The following RSU1 variants were observed in gnomAD, a reference collection of about 807,000 sequenced individuals.
RSU1 encodes rsu-1.
Under a neutral mutation model 31.1 loss-of-function variants are expected in RSU1, and 26 were observed. The observed-to-expected ratio is 0.84, with a 90% CI of 0.61 to 1.16. The LOEUF (loss-of-function observed/expected upper bound fraction) is 1.16. RSU1 is among the 50% of genes most tolerant of loss of function. The pLI is 0.00. For missense variants in RSU1, 320 were observed against 339.1 expected (o/e 0.94, Z 0.44); for synonymous variants, 164 against 136.3 (o/e 1.20, Z -1.41).
chr10:16,734,477 C>A (rs564403437), intron 7 of RSU1, among the ~76,000 whole-genome samples: 1 of 152,108 alleles, frequency 6.6e-6, no homozygotes, highest in African/African-American at 2.4e-5. Context: ...GAATTCTGCA[C>A]TAAAGGGCAC....
At chr10:16,774,832 G>T (rs992026710) in intron 3 of RSU1, among the ~76,000 whole-genome samples, 2 of 152,154 alleles carry the variant, frequency 1.3e-5, no homozygotes, top group African/African-American at 4.8e-5. Context: ...GGGCACAGGG[G>T]CTCACAGTGG....
At chr10:16,784,495 T>C (rs1837728602) in intron 2 of RSU1, among the ~76,000 whole-genome samples, 1 of 152,142 alleles carries the variant, frequency 6.6e-6, no homozygotes, top group Non-Finnish European at 1.5e-5. Flanking sequence ...TCAGGGAACT[T>C]ATGGTGGAAG....
At chr10:16,670,723 G>C (rs932780489) in intron 8 of RSU1, among the ~76,000 whole-genome samples, 6 of 151,976 alleles carry the variant, frequency 3.9e-5, no homozygotes, top group African/African-American at 1.5e-4. Flanking sequence ...TTTTCTTCTG[G>C]TGTTCCCTTG....
intron 7 of RSU1, among the ~76,000 whole-genome samples, chr10:16,727,879 G>T (rs889201033): frequency 1.3e-5 from 2 of 152,130 alleles, no homozygotes. Flanking sequence ...GGGTAGCCGT[G>T]GGGGGCTAGA....
At chr10:16,741,112 C>T (rs1836741731) in intron 7 of RSU1, among the ~76,000 whole-genome samples, 2 of 152,132 alleles carry the variant, frequency 1.3e-5, no homozygotes, top group South Asian at 2.1e-4. Context: ...TAAGGATAGA[C>T]ATATAAATAA....
intron 3 of RSU1, among the ~76,000 whole-genome samples, chr10:16,777,459 G>C (rs1837557040): frequency 6.6e-6 from 1 of 152,158 alleles, no homozygotes; most frequent in African/African-American, 2.4e-5. Context: ...CCTTCTATAA[G>C]GATTTACCTT....
chr10:16,776,842 G>A (rs1039163108), intron 3 of RSU1, among the ~76,000 whole-genome samples: 2 of 149,610 alleles, frequency 1.3e-5, no homozygotes, highest in Non-Finnish European at 3.0e-5. Flanking sequence ...CCGTATTTAA[G>A]CCCATCATTC....
intron 7 of RSU1, among the ~76,000 whole-genome samples, chr10:16,725,377 T>TA (rs1337966704): frequency 1.3e-5 from 2 of 152,178 alleles, no homozygotes; most frequent in East Asian, 3.9e-4. Flanking sequence ...TCGAGATTTT[T>TA]ATACCTAGAC....
chr10:16,754,063 A>G (rs1588513622), intron 5 of RSU1, among the ~76,000 whole-genome samples: 2 of 152,350 alleles, frequency 1.3e-5, no homozygotes, highest in South Asian at 4.1e-4. Context: ...TAGTTGCTCC[A>G]CTGCCCAAGA....
chr10:16,718,229 C>T (rs1836183381), intron 7 of RSU1, among the ~76,000 whole-genome samples: 1 of 152,062 alleles, frequency 6.6e-6, no homozygotes, highest in African/African-American at 2.4e-5. Flanking sequence ...ACCCAAATTC[C>T]AGCTTGCTAC....
intron 7 of RSU1, among the ~76,000 whole-genome samples, chr10:16,704,161 G>C (rs916446919): frequency 1.3e-5 from 2 of 152,070 alleles, no homozygotes; most frequent in Non-Finnish European, 2.9e-5. Context: ...TACTGAAAAA[G>C]AAATCTGAAT....
chr10:16,668,236 C>T (rs1199066850), intron 8 of RSU1, among the ~76,000 whole-genome samples: 2 of 152,144 alleles, frequency 1.3e-5, no homozygotes, highest in African/African-American at 2.4e-5. Flanking sequence ...AGGTTGTTTT[C>T]TGTTATTATC....
chr10:16,710,083 C>A (rs1166589884), intron 7 of RSU1, among the ~76,000 whole-genome samples: 1 of 152,164 alleles, frequency 6.6e-6, no homozygotes, highest in Admixed American at 6.6e-5. Flanking sequence ...AAGTTGGCAT[C>A]CTTGTCTTGT....
chr10:16,648,261 T>G (rs1017877747), intron 8 of RSU1, among the ~76,000 whole-genome samples: 2 of 152,102 alleles, frequency 1.3e-5, no homozygotes, highest in Admixed American at 6.5e-5. Flanking sequence ...CCTCCACACC[T>G]AGCGTTACGT....
At chr10:16,671,869 A>G (rs1478324798) in intron 8 of RSU1, among the ~76,000 whole-genome samples, 1 of 146,022 alleles carries the variant, frequency 6.8e-6, no homozygotes, top group Non-Finnish European at 1.5e-5. Flanking sequence ...CTTGTGATCG[A>G]CCCCCCTCGG....
At chr10:16,733,209 G>T (rs990193092) in intron 7 of RSU1, among the ~76,000 whole-genome samples, 1 of 151,682 alleles carries the variant, frequency 6.6e-6, no homozygotes, top group African/African-American at 2.4e-5. Flanking sequence ...TAGAAAACCC[G>T]GCTGGGCATG....
chr10:16,684,412 C>T (rs1235381297), intron 8 of RSU1, among the ~76,000 whole-genome samples: 1 of 152,092 alleles, frequency 6.6e-6, no homozygotes. Flanking sequence ...AGAGCTTAGT[C>T]CTCAATGGTC....
intron 3 of RSU1, among the ~76,000 whole-genome samples, chr10:16,774,114 C>A (rs1340956925): frequency 2.0e-5 from 3 of 148,760 alleles, no homozygotes; most frequent in Non-Finnish European, 3.0e-5. Context: ...AAAAAAAAAA[C>A]TGCATATGCC....
chr10:16,623,398 T>C (rs1465143610), intron 8 of RSU1, among the ~76,000 whole-genome samples: 2 of 152,206 alleles, frequency 1.3e-5, no homozygotes, highest in Non-Finnish European at 2.9e-5. Context: ...TTCAGTGGTA[T>C]ATATGCATCA....
Sources: gnomAD v4.1 joint callset for allele counts (sites outside exome capture counted in the v4.1 genomes callset) on GRCh38, gnomAD v4.1.1 for gene constraint, MANE v1.5 for transcripts, NCBI Gene and HGNC (gene_info 2026-07-23, HGNC 2026-07-21) for gene names.